Variants in NUMA1 observed in about 807,000 individuals in gnomAD.
NUMA1 encodes the protein nuclear mitotic apparatus protein 1, also known as SP-H antigen.
Under a neutral mutation model 237.1 loss-of-function variants are expected in NUMA1, and 62 were observed. That is an observed-to-expected ratio of 0.26 (90% CI 0.21 to 0.32). NUMA1 has a LOEUF of 0.32. Among genes scored for constraint, NUMA1 ranks in the 10% least tolerant of loss-of-function variants. The pLI is 1.00. For synonymous variants in NUMA1, 1,028 were observed against 1,066.1 expected, an observed-to-expected ratio of 0.96 and a Z score of 0.70; for missense variants, 2,533 against 2,666.5, an observed-to-expected ratio of 0.95 and a Z score of 1.10.
intron 2 of NUMA1, chr11:72,068,017 A>G (rs1256943095): frequency 6.6e-6 from 1 of 152,210 alleles, no homozygotes; most frequent in African/African-American, 2.4e-5. Context: ...TGCTAACAAC[A>G]ACAAAAAAAT....
intron 2 of NUMA1, chr11:72,041,667 C>A (rs2135875906): frequency 6.6e-6 from 1 of 152,320 alleles, no homozygotes; most frequent in Admixed American, 6.5e-5. Flanking sequence ...ATCGGGGGCA[C>A]CTTCCTGCCG....
intron 8 of NUMA1, chr11:72,020,462 T>G (rs1938611729): frequency 6.6e-6 from 1 of 152,288 alleles, no homozygotes; most frequent in African/African-American, 2.4e-5. Flanking sequence ...CTTTCTACTG[T>G]AGTACCAGCC....
chr11:72,057,081 A>C (rs559652629), intron 2 of NUMA1, among the ~76,000 whole-genome samples: 76 of 152,182 alleles, frequency 5.0e-4, no homozygotes, highest in African/African-American at 1.8e-3. Context: ...AAAGCAAAAA[A>C]AAAAAAAAGA....
Position 72,012,440 on chromosome 11 carries a change from C to A in NUMA1, c.4611G>T (p.Val1537=), listed in dbSNP as rs754883652. ...CTCTCTGAAATACCTCTAGCTGCTC[C>A]ACCTGTACATGGGGGAGGAGCAACA... ...QEERQKLTAQ[V]EQLEVFQREQ... The change falls in exon 16 of 27, where the codon GTG becomes GTT. Residue 1537 remains valine, a splice_region_variant and synonymous_variant. Coordinates refer to ENST00000393695, the MANE Select transcript of NUMA1 (RefSeq NM_006185.4). 1 of 1,612,898 alleles carries A rather than the reference C, an allele frequency of 6.2e-7. No homozygotes were observed. Among genetic ancestry groups the A allele is most frequent in the East Asian group, 2.2e-5 (1 of 44,878 alleles).
intron 1 of NUMA1, among the ~76,000 whole-genome samples, chr11:72,079,007 A>G (rs999134383): frequency 1.3e-5 from 2 of 152,230 alleles, no homozygotes; most frequent in Non-Finnish European, 2.9e-5. Context: ...GCAAGAAAAT[A>G]TCATCACGTT....
chr11:72,056,325 CT>C (rs34278553), intron 2 of NUMA1, among the ~76,000 whole-genome samples: 39 of 139,806 alleles, frequency 2.8e-4, no homozygotes, highest in Middle Eastern at 3.6e-3. Flanking sequence ...TCCCATCTCT[CT>C]TTTTTTTTTT....
chr11:72,065,028 G>A (rs1943137927), intron 2 of NUMA1, among the ~76,000 whole-genome samples: 1 of 152,166 alleles, frequency 6.6e-6, no homozygotes. Context: ...TTTCTGAGTT[G>A]TGGAATTATG....
chr11:72,005,601 G>A, intron 22 of NUMA1: 1 of 545,708 alleles, frequency 1.8e-6, no homozygotes, highest in Non-Finnish European at 3.2e-6. Flanking sequence ...CGCAGAGACT[G>A]CTACTACATC....
intron 2 of NUMA1, chr11:72,040,490 A>T (rs1304685145): frequency 7.0e-6 from 1 of 143,716 alleles, no homozygotes; most frequent in Non-Finnish European, 1.4e-5. Context: ...ACACACACAC[A>T]CACACACACA....
Position 72,013,152 on chromosome 11 carries a change from TCTC to T in NUMA1, c.4348_4350del (p.Glu1450del), listed in dbSNP as rs765110962. On this transcript the variant is annotated inframe_deletion, in exon 15 of 27. Transcript: ENST00000393695. The surrounding 1 kb of genome is among the most constrained non-coding windows in gnomAD (Gnocchi z 6.8). ...TTGGCCCGCTCACCCAGCCCCCGGT[TCTC>T]CTCTGCCAGCAGGCCATGCGCCTTC... The T allele has an allele frequency of 6.2e-7, 1 of 1,614,012 alleles. No individual in the cohort carries two copies. The highest frequency in any genetic ancestry group is 8.5e-7 in the Non-Finnish European group (1 of 1,180,020).
chr11:72,019,386 C>T (rs2135222299), intron 9 of NUMA1, 108 bp downstream of exon 9: 2 of 1,430,784 alleles, frequency 1.4e-6, no homozygotes, highest in East Asian at 4.7e-5. Flanking sequence ...CTACCGGATA[C>T]TCTAAGCACT....
At chr11:72,074,990 T>C (rs2511122) in intron 1 of NUMA1, among the ~76,000 whole-genome samples, 134,362 of 151,678 alleles carry the variant, frequency 0.89, 59,801 homozygotes, top group Non-Finnish European at 0.95. Flanking sequence ...GCCAAGACTG[T>C]GCAATTGCAC....
At chr11:72,061,890 T>A (rs1243828055) in intron 2 of NUMA1, among the ~76,000 whole-genome samples, 2 of 152,100 alleles carry the variant, frequency 1.3e-5, no homozygotes, top group East Asian at 3.8e-4. Context: ...AACTCCACTA[T>A]GTCTGCTGCT....
chr11:72,015,732 C>T lies in NUMA1; in HGVS notation c.1771G>A (p.Glu591Lys), dbSNP rs1167486645. The T allele has an allele frequency of 1.9e-6, 3 of 1,614,072 alleles. No homozygotes were observed. Among genetic ancestry groups the T allele is most frequent in the African/African-American group, 1.3e-5 (1 of 74,936 alleles). Residue 591 changes from glutamate (E) to lysine (K), a missense_variant, in exon 15 of 27, where the codon GAG becomes AAG. Glu to Lys is a moderately conservative substitution (Grantham distance 56). Around this residue, in one of 3 missense-constraint regions of NUMA1, gnomAD observed 1,414 missense variants for 1,508.1 expected, o/e 0.94. Transcript: ENST00000393695. The surrounding 1 kb of genome is among the most constrained non-coding windows in gnomAD (Gnocchi z 4.0). ...CGCTCCCTTAAGGAGGCCTCTCGCT[C>T]CTCTGCAGCAGTGGCCAGTTGCTGG... ...HAQQLATAAE[E>K]REASLRERDA...
At chr11:72,035,365 C>T (rs1940886430) in intron 3 of NUMA1, among the ~76,000 whole-genome samples, 1 of 151,332 alleles carries the variant, frequency 6.6e-6, no homozygotes, top group Admixed American at 6.6e-5. Flanking sequence ...ACCAAAGTCC[C>T]TGCATATGTT....
At chr11:72,049,560 A>AATAATATATATATATATATATATATAT (rs1555034473) in intron 2 of NUMA1, 5 of 41,010 alleles carry the variant, frequency 1.2e-4, no homozygotes, top group African/African-American at 4.2e-4. Flanking sequence ...AAATAATAAT[A>AATAATATATATATATATATATATATAT]ATATATATAT....
Position 72,015,444 on chromosome 11 carries a change from C to T in NUMA1, c.2059G>A (p.Ala687Thr), listed in dbSNP as rs1402711707. The T allele has an allele frequency of 6.2e-7, 1 of 1,611,976 alleles. No homozygotes were observed. The highest frequency in any genetic ancestry group is 1.3e-5 in the African/African-American group (1 of 75,044). The part of the protein sequence containing the change: ...ELQLRSEQQK[A>T]TEKERVAQEK... ...TGGGCCACCCTTTCTTTCTCAGTTGCTTTTTGCTGCTCAGACCGCAGCTGC... is the reference window on the plus strand; with the variant it reads ...TGGGCCACCCTTTCTTTCTCAGTTGTTTTTTGCTGCTCAGACCGCAGCTGC... The change falls in exon 15 of 27, where the codon GCA (alanine) becomes ACA (threonine). Residue 687 changes from alanine (A) to threonine (T), a missense_variant. Physicochemically the swap from Ala to Thr is moderately conservative, Grantham distance 58. Around this residue, in one of 3 missense-constraint regions of NUMA1, gnomAD observed 1,414 missense variants for 1,508.1 expected, o/e 0.94. Transcript: ENST00000393695. This position sits in a 1 kb window ranked among gnomAD's most constrained non-coding sequence, Gnocchi z 4.0.
intron 2 of NUMA1, among the ~76,000 whole-genome samples, chr11:72,052,105 A>T (rs1271643200): frequency 2.0e-5 from 3 of 152,218 alleles, no homozygotes; most frequent in African/African-American, 7.2e-5. Flanking sequence ...GTAGGAACTA[A>T]AACAGGTGGC....
chr11:72,003,361 A>G lies in NUMA1; in HGVS notation c.*166T>C. The G allele has an allele frequency of 1.4e-6, 1 of 693,260 alleles. No individual in the cohort carries two copies. The highest frequency in any genetic ancestry group is 2.6e-6 in the Non-Finnish European group (1 of 386,762). The allele number at this position is 693,260 out of a possible 1,614,324, so 42.9% of individuals were successfully genotyped here. A position where few individuals can be genotyped will look rare whatever the true frequency, so the allele number is the denominator to read the frequency against. On this transcript the variant is annotated 3_prime_UTR_variant, in exon 27 of 27. Coordinates refer to ENST00000393695, the MANE Select transcript of NUMA1 (RefSeq NM_006185.4). The stretch of plus-strand genomic sequence containing the variant: ...GGCCAGCTCCGAGAAGGCGCCAGTG[A>G]AGGACCAGGGACCAGGCCAGGGTGC...
Sources: allele counts gnomAD v4.1 joint callset (sites outside exome capture counted in the v4.1 genomes callset), GRCh38; gene constraint gnomAD v4.1.1; regional missense constraint gnomAD v4.1.1; non-coding constraint Gnocchi (gnomAD v3.1); transcripts MANE v1.5; gene names NCBI Gene and HGNC (gene_info 2026-07-23, HGNC 2026-07-21).